The following COQ8B variants were observed in gnomAD, a reference collection of about 807,000 sequenced individuals.
COQ8B encodes atypical kinase COQ8B, mitochondrial.
A neutral mutation model predicts 62.0 loss-of-function variants in COQ8B; 44 were observed. The observed-to-expected ratio is 0.71, with a 90% CI of 0.56 to 0.91. COQ8B has a LOEUF of 0.91. COQ8B is among the 40% of genes least tolerant of loss of function. The pLI, the probability that COQ8B is intolerant of heterozygous loss-of-function variation, is 0.00. For missense variants in COQ8B, 649 were observed against 731.6 expected (o/e 0.89, Z 1.30); for synonymous variants, 252 against 289.9 (o/e 0.87, Z 1.33).
At chr19:40,707,125 T>G (rs2604888) in intron 5 of COQ8B, among the ~76,000 whole-genome samples, 1 of 151,622 alleles carries the variant, frequency 6.6e-6, no homozygotes, top group Non-Finnish European at 1.5e-5. Context: ...AAAAATTAGC[T>G]GGGCATGGTG....
At chr19:40,693,197 T>C (rs2081987736) in intron 13 of COQ8B, among the ~76,000 whole-genome samples, 160 bp from the exon 14 acceptor site, 2 of 152,120 alleles carry the variant, frequency 1.3e-5, no homozygotes, top group South Asian at 4.1e-4. Flanking sequence ...TTTGCCTGTC[T>C]GTGACTCCCT....
chr19:40,697,875 G>GAGAGAGAGAGGC (rs58313890), intron 12 of COQ8B, among the ~76,000 whole-genome samples: 3,284 of 102,250 alleles, frequency 0.032, 184 homozygotes, highest in Non-Finnish European at 0.042. Context: ...GAGAGAGAGA[G>GAGAGAGAGAGGC]AGTTTCTACT....
At chr19:40,715,985 G>A (rs1286031628) in intron 1 of COQ8B, 1 of 152,464 alleles carries the variant, frequency 6.6e-6, no homozygotes, top group Non-Finnish European at 1.5e-5. Context: ...GGAGAGGGAG[G>A]GATGCCGATG....
chr19:40,710,129 A>G lies in COQ8B; in HGVS notation c.297T>C (p.Ala99=), dbSNP rs758170069. 2 of 1,614,072 alleles carry G rather than the reference A, an allele frequency of 1.2e-6. No homozygotes were observed. Among genetic ancestry groups the G allele is most frequent in the Admixed American group, 1.7e-5 (1 of 60,018 alleles). Residue 99 remains alanine, a synonymous_variant, in exon 5 of 15, where the codon GCT becomes GCC. Transcript: ENST00000324464. ...ISRLANFGGL[A]VGLGLGVLAE... ...CCAGTACTCCTAGCCCCAAGCCCAC[A>G]GCCAGTCCTGGAGTGCAAGAGAAGA...
chr19:40,714,438 A>T, intron 2 of COQ8B, 41 bp from the exon 3 acceptor site: 1 of 1,612,624 alleles, frequency 6.2e-7, no homozygotes, highest in Non-Finnish European at 8.5e-7. Flanking sequence ...AGGACATGGG[A>T]TCACCTGGCC....
At chr19:40,697,843 T>TAG (rs1406997268) in intron 12 of COQ8B, among the ~76,000 whole-genome samples, 2,868 of 48,434 alleles carry the variant, frequency 0.059, 45 homozygotes, top group Admixed American at 0.075. Flanking sequence ...TATATATATA[T>TAG]ATATATATAG....
Position 40,702,648 on chromosome 19 carries a change from G to A in COQ8B, c.845C>T (p.Ala282Val). 1.2e-6 allele frequency: 2 copies of A among 1,612,002 alleles called. No individual in the cohort carries two copies. Among genetic ancestry groups the A allele is most frequent in the Non-Finnish European group, 1.7e-6 (2 of 1,179,990 alleles). The change falls in exon 10 of 15, where the codon GCT becomes GTT. Residue 282 changes from alanine (A) to valine (V), a missense_variant. Coordinates refer to ENST00000324464, the MANE Select transcript of COQ8B (RefSeq NM_024876.4). ...QSLQALQQEL[A>V]WECDYRREAA... ...CTCACGACGGTAGTCACACTCCCAA[G>A]CCAGCTCCTGCTGCAAGGCCTGCAG...
chr19:40,703,954 G>A (rs2082081416), intron 7 of COQ8B, 99 bp from the exon 8 acceptor site: 1 of 1,426,834 alleles, frequency 7.0e-7, no homozygotes, highest in East Asian at 2.5e-5. Context: ...CACATGCAGG[G>A]CCCTGGGCTA....
At chr19:40,707,331 T>G (rs1305901978) in intron 5 of COQ8B, among the ~76,000 whole-genome samples, 1 of 151,722 alleles carries the variant, frequency 6.6e-6, no homozygotes, top group African/African-American at 2.4e-5. Context: ...TTTCCCCCAA[T>G]CTCCCCAGGC....
In COQ8B at chr19:40,705,108, G is replaced by T. The variant is rs1344081336; in HGVS notation, c.564C>A (p.Arg188=). 6.8e-6 allele frequency: 11 copies of T among 1,609,806 alleles called. No individual in the cohort carries two copies. Among genetic ancestry groups the T allele is most frequent in the Non-Finnish European group, 9.3e-6 (11 of 1,178,280 alleles). ...RVRQSADFMP[R]WQMLRVLEEE... ...ACTGGGCACTCACCAGCATCTGCCA[G>T]CGGGGCATGAAGTCGGCGCTCTGGC... The change falls in exon 7 of 15, where the codon CGC becomes CGA. Residue 188 remains arginine (R), a synonymous_variant. Coordinates refer to ENST00000324464, the MANE Select transcript of COQ8B (RefSeq NM_024876.4).
intron 1 of COQ8B, among the ~76,000 whole-genome samples, chr19:40,716,327 T>C (rs2082184799): frequency 6.6e-6 from 1 of 152,048 alleles, no homozygotes. Flanking sequence ...TATATCAAAA[T>C]CACCTAGGAC....
At chr19:40,715,069 C>A in intron 1 of COQ8B, 1 of 989,808 alleles carries the variant, frequency 1.0e-6, no homozygotes, top group South Asian at 4.5e-5. Flanking sequence ...CTCTCAGCCT[C>A]CGAGTCCGCA....
Position 40,700,411 on chromosome 19 carries a change from C to A in COQ8B, c.934G>T (p.Val312Leu). ...ANDPFFRVPA[V>L]VKELCTTRVL... ...CGTGTCGTGCACAGCTCCTTAACCACGGCTGGGACCCGGAAGAAGGGGTCA... is the reference window on the plus strand; with the variant it reads ...CGTGTCGTGCACAGCTCCTTAACCAAGGCTGGGACCCGGAAGAAGGGGTCA... The change falls in exon 11 of 15, where the codon GTG (valine) becomes TTG (leucine). Residue 312 changes from valine (V) to leucine (L), a missense_variant. Coordinates refer to ENST00000324464, the MANE Select transcript of COQ8B (RefSeq NM_024876.4). The A allele has an allele frequency of 6.2e-7, 1 of 1,614,058 alleles. No homozygotes were observed. Among genetic ancestry groups the A allele is most frequent in the Non-Finnish European group, 8.5e-7 (1 of 1,179,978 alleles).
chr19:40,712,758 A>G (rs959322766), intron 4 of COQ8B, among the ~76,000 whole-genome samples: 2 of 152,220 alleles, frequency 1.3e-5, no homozygotes, highest in Non-Finnish European at 2.9e-5. Context: ...GTTGCAACCC[A>G]CTAAATTATT....
rs190299880 is a variant in COQ8B, at chr19:40,713,401, G to A, written c.289+666C>T. 2.1e-4 allele frequency among the ~76,000 whole-genome samples: 32 copies of A among 152,192 alleles called. No individual in the cohort carries two copies. In the East Asian group the frequency reaches 5.8e-3, roughly 28 times the overall value. On this transcript the variant is annotated intron_variant, in intron 4 of 14. Coordinates refer to ENST00000324464, the MANE Select transcript of COQ8B (RefSeq NM_024876.4). ...GTCTCTACTAAAAATACAAAAATTA[G>A]CCGGGTGTGGTGGATGCATGCCTGT...
At chr19:40,700,591 T>A in intron 10 of COQ8B, 140 bp from the exon 11 acceptor site, 1 of 1,103,844 alleles carries the variant, frequency 9.1e-7, no homozygotes, top group Non-Finnish European at 1.3e-6. Context: ...CTTGCTGCTG[T>A]CTGCCCTGGG....
intron 7 of COQ8B, chr19:40,704,469 T>C (rs2082085256): frequency 6.5e-6 from 1 of 153,364 alleles, no homozygotes; most frequent in South Asian, 2.0e-4. Flanking sequence ...TTTATTATGC[T>C]CTTATATGTT....
At chr19:40,703,371 G>T in intron 9 of COQ8B, 170 bp downstream of exon 9, 1 of 671,664 alleles carries the variant, frequency 1.5e-6, no homozygotes, top group Non-Finnish European at 2.5e-6. Flanking sequence ...TCCCACACCT[G>T]CTCATGCTCC....
chr19:40,691,943 G>T lies in COQ8B; in HGVS notation c.*92C>A. On this transcript the variant is annotated 3_prime_UTR_variant, in exon 15 of 15. Coordinates refer to ENST00000324464, the MANE Select transcript of COQ8B (RefSeq NM_024876.4). ...CAGGCAAGACTGGGAAGCCCAAGGG[G>T]GCTCCTCTGACCCAGGGCAGACGGG... 1 of 1,245,598 alleles carries T rather than the reference G, an allele frequency of 8.0e-7. No individual in the cohort carries two copies. The highest frequency in any genetic ancestry group is 1.1e-6 in the Non-Finnish European group (1 of 942,126). The allele number at this position is 1,245,598 out of a possible 1,614,324, so 77.2% of individuals were successfully genotyped here.
Sources: allele counts gnomAD v4.1 joint callset (sites outside exome capture counted in the v4.1 genomes callset), GRCh38; gene constraint gnomAD v4.1.1; transcripts MANE v1.5; gene names NCBI Gene and HGNC (gene_info 2026-07-23, HGNC 2026-07-21).